Variants in EEPD1 observed in about 807,000 individuals in gnomAD.
EEPD1 encodes the protein endonuclease/exonuclease/phosphatase family domain containing 1.
In EEPD1, 17 loss-of-function variants were observed where a neutral mutation model predicts 46.3. That is an observed-to-expected ratio of 0.37 (90% CI 0.25 to 0.55). EEPD1 has a LOEUF of 0.55. EEPD1 is among the 20% of genes least tolerant of loss of function. EEPD1 has a pLI of 0.83. For synonymous variants in EEPD1, 313 were observed against 315.6 expected (o/e 0.99, Z 0.09); for missense variants, 673 against 745.6 (o/e 0.90, Z 1.13).
Position 36,196,944 on chromosome 7 carries a change from C to T in EEPD1, c.878+41742C>T, listed in dbSNP as rs575451887. On this transcript the variant is annotated intron_variant, in intron 2 of 7. Coordinates refer to ENST00000242108, the MANE Select transcript of EEPD1 (RefSeq NM_030636.3). ...AAAGTGAGGAGCGCCTCTTCCGGGC[C>T]GCCATCCCATCTAGGAAGTGAGGAG... 1.7e-3 allele frequency among the ~76,000 whole-genome samples: 253 copies of T among 151,338 alleles called. 4 individuals carry two copies. The highest frequency in any genetic ancestry group is 0.014 in the South Asian group (69 of 4,760).
intron 6 of EEPD1, among the ~76,000 whole-genome samples, chr7:36,290,435 G>T (rs1404024307): frequency 2.0e-5 from 3 of 152,096 alleles, no homozygotes; most frequent in Non-Finnish European, 4.4e-5. Context: ...AGGGGTTCAG[G>T]AAGCAATTCA....
chr7:36,249,279 G>A (rs1436856707), intron 3 of EEPD1, among the ~76,000 whole-genome samples: 2 of 152,158 alleles, frequency 1.3e-5, no homozygotes, highest in African/African-American at 4.8e-5. Flanking sequence ...TGGTGAAGTT[G>A]TGTTGAAATC....
chr7:36,182,468 G>T (rs534447195), intron 2 of EEPD1, among the ~76,000 whole-genome samples: 2 of 152,302 alleles, frequency 1.3e-5, no homozygotes, highest in African/African-American at 4.8e-5. Flanking sequence ...TTTGAACCAT[G>T]TGAATATCTT....
chr7:36,203,404 G>A (rs774855897), intron 2 of EEPD1, among the ~76,000 whole-genome samples: 5 of 152,146 alleles, frequency 3.3e-5, no homozygotes, highest in African/African-American at 1.2e-4. Flanking sequence ...AAGGGAAAGC[G>A]GAAAACCACC....
intron 2 of EEPD1, among the ~76,000 whole-genome samples, chr7:36,171,760 C>A (rs974755255): frequency 6.6e-6 from 1 of 152,112 alleles, no homozygotes; most frequent in Non-Finnish European, 1.5e-5. Flanking sequence ...CATATACTGC[C>A]TCTCACTCAT....
intron 2 of EEPD1, among the ~76,000 whole-genome samples, chr7:36,190,524 C>T (rs1051087369): frequency 9.9e-5 from 15 of 152,206 alleles, no homozygotes; most frequent in African/African-American, 3.6e-4. Flanking sequence ...ACAGTCCTTG[C>T]CTGACTTTTC....
Position 36,193,991 on chromosome 7 carries a change from G to A in EEPD1, c.878+38789G>A, listed in dbSNP as rs916022109. On this transcript the variant is annotated intron_variant, in intron 2 of 7. Transcript: ENST00000242108. The surrounding 1 kb of genome is among the most constrained non-coding windows in gnomAD (Gnocchi z 4.9). ...GTCCCCACCAGTCCCAGGACTTGCCGGTTCTGGGTTTATTTTGTGTGGTCT... is the reference window on the plus strand; with the variant it reads ...GTCCCCACCAGTCCCAGGACTTGCCAGTTCTGGGTTTATTTTGTGTGGTCT... 3.9e-5 allele frequency among the ~76,000 whole-genome samples: 6 copies of A among 152,182 alleles called. No individual in the cohort carries two copies. Among genetic ancestry groups the A allele is most frequent in the Non-Finnish European group, 5.9e-5 (4 of 68,024 alleles).
At position 36,238,980 on chromosome 7, in the gene EEPD1, TACAG is replaced by T; in HGVS notation, c.879-4_879-1del. The T allele has an allele frequency of 6.2e-7, 1 of 1,604,984 alleles. No homozygotes were observed. The highest frequency in any genetic ancestry group is 8.5e-7 in the Non-Finnish European group (1 of 1,178,060). On this transcript the variant is annotated splice_acceptor_variant and splice_polypyrimidine_tract_variant and intron_variant, in intron 2 of 7. Coordinates refer to ENST00000242108, the MANE Select transcript of EEPD1 (RefSeq NM_030636.3). LOFTEE classifies it high-confidence loss of function. ...CAAGTGTGGTTTTGATTTTTTTTCT[TACAG>T]CATCAAGCTTCTAGCTGTGCAAGAA...
At chr7:36,177,070 TG>T (rs1390652828) in intron 2 of EEPD1, among the ~76,000 whole-genome samples, 1 of 152,210 alleles carries the variant, frequency 6.6e-6, no homozygotes, top group African/African-American at 2.4e-5. Flanking sequence ...TGTTTTGGGA[TG>T]ATTGAAATGT....
intron 2 of EEPD1, among the ~76,000 whole-genome samples, chr7:36,198,968 G>C (rs1476691491): frequency 2.6e-5 from 4 of 151,978 alleles, no homozygotes; most frequent in African/African-American, 9.7e-5. Context: ...GTGGACCACC[G>C]AGGAGAACCA....
At chr7:36,229,971 C>T (rs1459655233) in intron 2 of EEPD1, among the ~76,000 whole-genome samples, 1 of 61,052 alleles carries the variant, frequency 1.6e-5, no homozygotes, top group Non-Finnish European at 5.1e-5. Flanking sequence ...AGCCAGTTAC[C>T]TCCTCAAACT....
At chr7:36,283,120 TGCCCACAA>T (rs1347270312) in intron 4 of EEPD1, among the ~76,000 whole-genome samples, 1 of 152,148 alleles carries the variant, frequency 6.6e-6, no homozygotes, top group Non-Finnish European at 1.5e-5. Context: ...TGAAATGATT[TGCCCACAA>T]GCCACCCTTT....
chr7:36,167,327 G>A (rs1393234956), intron 2 of EEPD1, among the ~76,000 whole-genome samples: 1 of 152,170 alleles, frequency 6.6e-6, no homozygotes, highest in Non-Finnish European at 1.5e-5. Flanking sequence ...TTGCTCCTCT[G>A]AGTTTTTTCT....
chr7:36,270,081 A>C (rs1418181810), intron 3 of EEPD1, among the ~76,000 whole-genome samples: 1 of 152,194 alleles, frequency 6.6e-6, no homozygotes, highest in Non-Finnish European at 1.5e-5. Context: ...GCACAGTATA[A>C]GTGGGAAAAG....
In EEPD1 at chr7:36,154,496, C is replaced by T; in HGVS notation, c.172C>T (p.Arg58Cys). The change falls in exon 2 of 8, where the codon CGT (arginine) becomes TGT (cysteine). Residue 58 changes from arginine to cysteine, a missense_variant. Arg to Cys is a radical substitution (Grantham distance 180). Coordinates refer to ENST00000242108, the MANE Select transcript of EEPD1 (RefSeq NM_030636.3). The surrounding 1 kb of genome is among the most constrained non-coding windows in gnomAD (Gnocchi z 4.2). ...EELMTLPGVT[R>C]AVARSIVEYR... ...GCTGATGACCCTGCCTGGGGTGACGCGTGCCGTGGCACGCAGCATCGTGGA... is the reference window on the plus strand; with the variant it reads ...GCTGATGACCCTGCCTGGGGTGACGTGTGCCGTGGCACGCAGCATCGTGGA... 6.2e-7 allele frequency: 1 copy of T among 1,614,194 alleles called. No homozygotes were observed.
At chr7:36,205,505 G>A (rs1785798056) in intron 2 of EEPD1, among the ~76,000 whole-genome samples, 1 of 152,162 alleles carries the variant, frequency 6.6e-6, no homozygotes, top group Non-Finnish European at 1.5e-5. Context: ...GGCCTGTAAA[G>A]TATTTCTGGC....
intron 2 of EEPD1, among the ~76,000 whole-genome samples, chr7:36,185,580 T>G (rs1207336356): frequency 2.0e-4 from 2 of 10,120 alleles, no homozygotes; most frequent in Non-Finnish European, 0.014. Context: ...GGCATCCATG[T>G]GGCAGACGTG....
chr7:36,214,296 A>G (rs1353185674), intron 2 of EEPD1, among the ~76,000 whole-genome samples: 1 of 152,228 alleles, frequency 6.6e-6, no homozygotes, highest in Non-Finnish European at 1.5e-5. Flanking sequence ...AACTGACATC[A>G]TGGCTCTGGG....
chr7:36,299,019 T>C lies in EEPD1; in HGVS notation c.1523T>C (p.Val508Ala). ...CCTCTCCCTTCAGGTCACTGGGCTG[T>C]GGTGAGAGAAGGCCTCACGAACCCT... is the stretch of plus-strand genomic sequence containing the variant. ...LKKVFTGHWA[V>A]VREGLTNPWI... The change falls in exon 8 of 8, where the codon GTG becomes GCG. Residue 508 changes from valine (V) to alanine (A), a missense_variant. Physicochemically the swap from Val to Ala is moderately conservative, Grantham distance 64. Transcript: ENST00000242108. 1 of 1,614,080 alleles carries C rather than the reference T, an allele frequency of 6.2e-7. No homozygotes were observed. Among genetic ancestry groups the C allele is most frequent in the East Asian group, 2.2e-5 (1 of 44,878 alleles).
Sources: allele counts gnomAD v4.1 joint callset (sites outside exome capture counted in the v4.1 genomes callset), GRCh38; gene constraint gnomAD v4.1.1; non-coding constraint Gnocchi (gnomAD v3.1); transcripts MANE v1.5; gene names NCBI Gene and HGNC (gene_info 2026-07-23, HGNC 2026-07-21).